The following KIF13B variants were observed in gnomAD, a reference collection of about 807,000 sequenced individuals.
The protein encoded by KIF13B is kinesin family member 13B.
KIF13B carries 127 observed loss-of-function variants against 222.0 expected under a neutral mutation model. The observed-to-expected ratio is 0.57, with a 90% CI of 0.50 to 0.66. The LOEUF (loss-of-function observed/expected upper bound fraction) is 0.66, where lower values mean the gene tolerates loss of function less well. KIF13B is among the 30% of genes least tolerant of loss of function. KIF13B has a pLI of 0.00. For missense variants in KIF13B, 2,173 were observed against 2,379.0 expected (o/e 0.91, Z 1.80); for synonymous variants, 976 against 919.0 (o/e 1.06, Z -1.12).
chr8:29,211,285 C>T (rs1011124167), intron 2 of KIF13B, among the ~76,000 whole-genome samples: 1 of 152,236 alleles, frequency 6.6e-6, no homozygotes, highest in Non-Finnish European at 1.5e-5. Flanking sequence ...CTGGTTCTAG[C>T]TCTCCTGCCA....
intron 19 of KIF13B, among the ~76,000 whole-genome samples, chr8:29,141,746 C>T (rs186855950): frequency 3.9e-5 from 6 of 152,230 alleles, no homozygotes; most frequent in South Asian, 2.1e-4. Context: ...TATTAAGATA[C>T]CACCGATGTT....
chr8:29,243,065 G>A (rs1024364505), intron 2 of KIF13B, among the ~76,000 whole-genome samples: 2 of 152,272 alleles, frequency 1.3e-5, no homozygotes, highest in Admixed American at 6.5e-5. Context: ...TGTAGTAACC[G>A]GTCGGGTGTG....
intron 18 of KIF13B, among the ~76,000 whole-genome samples, chr8:29,144,365 C>T (rs1028487270): frequency 6.6e-6 from 1 of 152,052 alleles, no homozygotes; most frequent in African/African-American, 2.4e-5. Flanking sequence ...TCAAGTGATT[C>T]TCCTGCCTCA....
chr8:29,205,920 C>CA (rs34524562), intron 2 of KIF13B, among the ~76,000 whole-genome samples: 164 of 144,998 alleles, frequency 1.1e-3, no homozygotes, highest in Middle Eastern at 3.6e-3. Context: ...CCATTTCTAC[C>CA]AAAAAAAAAA....
chr8:29,230,547 C>T (rs983043378), intron 2 of KIF13B, among the ~76,000 whole-genome samples: 3 of 152,158 alleles, frequency 2.0e-5, no homozygotes, highest in African/African-American at 7.2e-5. Flanking sequence ...TGCGAGAGGA[C>T]GTCTTAGTGT....
chr8:29,114,800 T>C (rs1355497171), intron 31 of KIF13B, among the ~76,000 whole-genome samples: 5 of 152,162 alleles, frequency 3.3e-5, no homozygotes, highest in Non-Finnish European at 5.9e-5. Context: ...GACTATACAA[T>C]GTACCTTTTC....
At chr8:29,223,471 A>G (rs981081044) in intron 2 of KIF13B, among the ~76,000 whole-genome samples, 31 of 152,210 alleles carry the variant, frequency 2.0e-4, no homozygotes, top group Non-Finnish European at 4.4e-5. Flanking sequence ...AAGATTACTA[A>G]AAGTAACCAA....
chr8:29,238,312 G>A (rs1279894143), intron 2 of KIF13B, among the ~76,000 whole-genome samples: 5 of 152,186 alleles, frequency 3.3e-5, no homozygotes, highest in East Asian at 1.9e-4. Context: ...ATTTGCAAGA[G>A]AAGTGTATGG....
intron 35 of KIF13B, among the ~76,000 whole-genome samples, chr8:29,101,914 G>C (rs1183956971): frequency 1.7e-5 from 2 of 115,538 alleles, no homozygotes; most frequent in African/African-American, 3.5e-5. Context: ...TTACTCACTC[G>C]ATTTTTCTCC....
intron 37 of KIF13B, among the ~76,000 whole-genome samples, chr8:29,081,879 T>C (rs902064900): frequency 3.9e-5 from 6 of 152,236 alleles, no homozygotes; most frequent in Non-Finnish European, 8.8e-5. Flanking sequence ...CATTGGAATT[T>C]TGTGTCTGGT....
At chr8:29,169,700 C>G (rs1812154303) in intron 10 of KIF13B, among the ~76,000 whole-genome samples, 1 of 152,198 alleles carries the variant, frequency 6.6e-6, no homozygotes, top group Non-Finnish European at 1.5e-5. Context: ...CTCTTCACTC[C>G]TAGACATTAA....
At chr8:29,240,799 T>C (rs1336063652) in intron 2 of KIF13B, among the ~76,000 whole-genome samples, 2 of 152,212 alleles carry the variant, frequency 1.3e-5, no homozygotes, top group African/African-American at 4.8e-5. Flanking sequence ...CAGAGTTACC[T>C]CCATTTTCTT....
At chr8:29,176,218 A>G (rs563339405) in intron 9 of KIF13B, 39 bp from the exon 10 acceptor site, 24 of 1,175,426 alleles carry the variant, frequency 2.0e-5, no homozygotes, top group Non-Finnish European at 2.9e-5. Flanking sequence ...ACAAAAATGA[A>G]ATATATCAAA....
intron 24 of KIF13B, 101 bp downstream of exon 24, chr8:29,130,432 C>A: frequency 8.5e-7 from 1 of 1,179,880 alleles, no homozygotes; most frequent in Non-Finnish European, 1.2e-6. Flanking sequence ...TGGACTTGGC[C>A]AGTCTAGATT....
chr8:29,226,331 A>G (rs1815023573), intron 2 of KIF13B, among the ~76,000 whole-genome samples: 1 of 152,246 alleles, frequency 6.6e-6, no homozygotes, highest in Non-Finnish European at 1.5e-5. Context: ...CTGGAGCTAA[A>G]TGGGAGTTTT....
chr8:29,073,987 A>T (rs895285444), intron 38 of KIF13B, among the ~76,000 whole-genome samples: 3 of 152,280 alleles, frequency 2.0e-5, no homozygotes, highest in Admixed American at 2.0e-4. Context: ...TGTTTTATTT[A>T]TTCTCTTCTA....
At chr8:29,155,269 G>C (rs1406602286) in intron 14 of KIF13B, among the ~76,000 whole-genome samples, 2 of 152,174 alleles carry the variant, frequency 1.3e-5, no homozygotes, top group African/African-American at 2.4e-5. Context: ...GCGATGGTCC[G>C]ATACCTCTTA....
At position 29,070,585 on chromosome 8, in the gene KIF13B, G is replaced by A. The variant is rs746927705; in HGVS notation, c.5400C>T (p.Asn1800=). The A allele has an allele frequency of 6.2e-7, 1 of 1,601,192 alleles. No individual in the cohort carries two copies. The highest frequency in any genetic ancestry group is 8.5e-7 in the Non-Finnish European group (1 of 1,174,164). ...CCAGGGCAGCTGTCAGCGAGGCCAG[G>A]TTGGTGGCGGAGCCCGAGAGGGTGG... The part of the protein sequence containing the change: ...RSATLSGSAT[N]LASLTAALAK... The change falls in exon 40 of 40, where the codon AAC becomes AAT. Residue 1800 remains asparagine, a synonymous_variant. Coordinates refer to ENST00000524189, the MANE Select transcript of KIF13B (RefSeq NM_015254.4). This position sits in a 1 kb window ranked among gnomAD's most constrained non-coding sequence, Gnocchi z 4.1.
At position 29,259,587 on chromosome 8, in the gene KIF13B, C is replaced by T. The variant is rs1195795498; in HGVS notation, c.55+3393G>A. Among the ~76,000 whole-genome samples, 6 of 152,206 alleles carry T rather than the reference C, an allele frequency of 3.9e-5. No homozygotes were observed. The East Asian group carries it at 1.2e-3, about 29-fold the overall frequency. ...AGGCACTCAATCAATGTTTGCTTAC[C>T]TATTAAATGTTTTTTAAGCCACCTA... On this transcript the variant is annotated intron_variant, in intron 1 of 39. Transcript: ENST00000524189.
Sources: gnomAD v4.1 joint callset for allele counts (sites outside exome capture counted in the v4.1 genomes callset) on GRCh38, gnomAD v4.1.1 for gene constraint, Gnocchi (gnomAD v3.1) non-coding constraint, MANE v1.5 for transcripts, NCBI Gene and HGNC (gene_info 2026-07-23, HGNC 2026-07-21) for gene names.